Variants in NRK observed in about 807,000 individuals in gnomAD.
NRK encodes the protein nik-related protein kinase.
Under a neutral mutation model 125.2 loss-of-function variants are expected in NRK, and 67 were observed. The ratio of observed to expected loss-of-function variants is 0.54; its 90% CI spans 0.44 to 0.66. The LOEUF is 0.66. NRK is among the 30% of genes least tolerant of loss of function. The pLI is 0.00. For missense variants in NRK, 1,224 were observed against 1,192.9 expected (o/e 1.03, Z -0.38); for synonymous variants, 458 against 429.0 (o/e 1.07, Z -0.84).
At chrX:105,924,293 A>G (rs1337494595) in intron 18 of NRK, among the ~76,000 whole-genome samples, 3 of 111,350 alleles carry the variant, frequency 2.7e-5, no homozygotes, top group African/African-American at 9.8e-5. Context: ...ATACTGCAAG[A>G]AGAATTAATC....
At chrX:105,911,077 G>A (rs985921565) in intron 13 of NRK, among the ~76,000 whole-genome samples, 1 of 111,025 alleles carries the variant, frequency 9.0e-6, no homozygotes, top group Non-Finnish European at 1.9e-5. Context: ...TGCAAGCTTG[G>A]TATATTTTTG....
At chrX:105,907,116 T>C (rs1409059237) in intron 11 of NRK, 1 of 110,884 alleles carries the variant, frequency 9.0e-6, no homozygotes, top group Non-Finnish European at 1.9e-5. Context: ...GGAACTGATT[T>C]ATACAAATAA....
chrX:105,854,876 T>C (rs1223848649), intron 2 of NRK, among the ~76,000 whole-genome samples: 1 of 112,104 alleles, frequency 8.9e-6, no homozygotes, highest in Admixed American at 9.5e-5. Context: ...CTTAGGCAAA[T>C]TACTTAAACT....
Position 105,923,426 on chromosome X carries a change from CAAT to C in NRK, c.2922_2924del (p.Asn974del). On this transcript the variant is annotated inframe_deletion, in exon 18 of 29. Coordinates refer to ENST00000243300, the MANE Select transcript of NRK (RefSeq NM_198465.4). ...TTTGTAAAGACCATGATGATGACAA[CAAT>C]AAGTTTGTTGATGATGTAAATAATA... is the stretch of plus-strand genomic sequence containing the variant. 1 of 1,149,482 alleles carries C rather than the reference CAAT, an allele frequency of 8.7e-7. No homozygotes were observed. The highest frequency in any genetic ancestry group is 1.2e-6 in the Non-Finnish European group (1 of 859,323). The allele number at this position is 1,149,482 out of a possible 1,213,427, so 94.7% of individuals were successfully genotyped here.
In NRK at chrX:105,957,322, A is replaced by G. The variant is rs1437843565; in HGVS notation, c.*1722A>G. The G allele has an allele frequency of 2.7e-5, 3 of 109,755 alleles. No individual in the cohort carries two copies. Among genetic ancestry groups the G allele is most frequent in the Non-Finnish European group, 5.7e-5 (3 of 52,610 alleles). The allele number at this position is 109,755 out of a possible 1,213,427, so 9.0% of individuals were successfully genotyped here. A position where few individuals can be genotyped will look rare whatever the true frequency, so the allele number is the denominator to read the frequency against. ...TTTTATGTCAAATTTTTTTTCTTAG[A>G]AGTAGTCTTCATTATTATAAATTTG... On this transcript the variant is annotated 3_prime_UTR_variant, in exon 29 of 29. Coordinates refer to ENST00000243300, the MANE Select transcript of NRK (RefSeq NM_198465.4).
intron 23 of NRK, among the ~76,000 whole-genome samples, chrX:105,941,601 G>A (rs2040743614): frequency 9.4e-6 from 1 of 106,568 alleles, no homozygotes; most frequent in Non-Finnish European, 1.9e-5. Flanking sequence ...GAATGCGTAG[G>A]GATGGCAGAA....
At chrX:105,871,441 C>T (rs964764235) in intron 2 of NRK, among the ~76,000 whole-genome samples, 1 of 110,570 alleles carries the variant, frequency 9.0e-6, no homozygotes, top group African/African-American at 3.3e-5. Context: ...TCTAACTCTT[C>T]TCCCATATTG....
intron 15 of NRK, 104 bp downstream of exon 15, chrX:105,915,901 C>T (rs1275202137): frequency 2.9e-5 from 13 of 443,414 alleles, no homozygotes; most frequent in Non-Finnish European, 4.8e-5. Context: ...CTAAAATATC[C>T]GTGACAACAT....
Position 105,953,341 on chromosome X carries a change from C to T in NRK, c.4653+168C>T, listed in dbSNP as rs376171140. On this transcript the variant is annotated intron_variant, in intron 28 of 28. Transcript: ENST00000243300. ...ACAATTTTATATTTTGCAGTAGAAA[C>T]GCTAATTTGGTAAGTGATGAAATTT... Among the ~76,000 whole-genome samples the T allele has an allele frequency of 7.2e-5, 8 of 111,584 alleles. No homozygotes were observed. In the South Asian group the frequency reaches 1.9e-3, roughly 26 times the overall value.
At chrX:105,889,021 A>C (rs1410010737) in intron 5 of NRK, among the ~76,000 whole-genome samples, 2 of 111,926 alleles carry the variant, frequency 1.8e-5, no homozygotes, top group African/African-American at 6.5e-5. Context: ...TCATTTCAGC[A>C]TTAACTCAAA....
intron 19 of NRK, among the ~76,000 whole-genome samples, chrX:105,930,949 A>G (rs2040587037): frequency 8.9e-6 from 1 of 112,157 alleles, no homozygotes; most frequent in Non-Finnish European, 1.9e-5. Flanking sequence ...GCAAAAGTGC[A>G]CATGCGGTGG....
At chrX:105,835,660 A>G (rs1219267700) in intron 2 of NRK, among the ~76,000 whole-genome samples, 1 of 106,469 alleles carries the variant, frequency 9.4e-6, no homozygotes, top group Non-Finnish European at 1.9e-5. Context: ...CCCCAGCTGC[A>G]GTAGGTCTTC....
At chrX:105,894,788 G>T (rs1228644367) in intron 6 of NRK, among the ~76,000 whole-genome samples, 1 of 111,930 alleles carries the variant, frequency 8.9e-6, no homozygotes, top group Non-Finnish European at 1.9e-5. Context: ...CCTTGGCAAA[G>T]AATAAGGGCT....
chrX:105,948,903 C>T (rs1461961535), intron 26 of NRK: 1 of 304,692 alleles, frequency 3.3e-6, no homozygotes, highest in Non-Finnish European at 5.6e-6. Context: ...TTGTTTTATG[C>T]ATCATGAAAT....
intron 2 of NRK, among the ~76,000 whole-genome samples, chrX:105,839,818 A>G (rs1394791761): frequency 9.0e-6 from 1 of 111,121 alleles, no homozygotes; most frequent in Non-Finnish European, 1.9e-5. Flanking sequence ...AGTGATGGGT[A>G]ATGGAAAGGA....
rs746678862 is a variant in NRK, at chrX:105,934,251, C to A, written c.3313-7C>A. ...GAAATAAAAATTGGTTTTTGGACTT[C>A]TTTTAGGAGCCAGGTGGTGGAAATG... On this transcript the variant is annotated splice_polypyrimidine_tract_variant and splice_region_variant and intron_variant, in intron 19 of 28. Coordinates refer to ENST00000243300, the MANE Select transcript of NRK (RefSeq NM_198465.4). 4 of 1,141,266 alleles carry A rather than the reference C, an allele frequency of 3.5e-6. No homozygotes were observed. The highest frequency in any genetic ancestry group is 4.6e-6 in the Non-Finnish European group (4 of 860,637). The allele number at this position is 1,141,266 out of a possible 1,213,427, so 94.1% of individuals were successfully genotyped here.
intron 1 of NRK, among the ~76,000 whole-genome samples, chrX:105,826,165 A>T (rs1452457583): frequency 2.2e-5 from 2 of 92,071 alleles, no homozygotes; most frequent in African/African-American, 8.0e-5. Context: ...ATATGGTAAG[A>T]TATATATATG....
chrX:105,897,312 G>A (rs1033045230), intron 7 of NRK, among the ~76,000 whole-genome samples: 7 of 112,293 alleles, frequency 6.2e-5, no homozygotes, highest in Admixed American at 3.8e-4. Context: ...AGTATAAGAA[G>A]AAAGTTTCAG....
intron 14 of NRK, among the ~76,000 whole-genome samples, chrX:105,914,612 C>T (rs1044025207): frequency 9.1e-6 from 1 of 109,549 alleles, no homozygotes; most frequent in Admixed American, 9.9e-5. Flanking sequence ...CTAAGATCAG[C>T]TTCATAAGCC....
Sources: allele counts gnomAD v4.1 joint callset (sites outside exome capture counted in the v4.1 genomes callset), GRCh38; gene constraint gnomAD v4.1.1; transcripts MANE v1.5; gene names NCBI Gene and HGNC (gene_info 2026-07-23, HGNC 2026-07-21).